Variants in GALNT13 observed in about 807,000 individuals in gnomAD.
GALNT13 encodes the protein polypeptide N-acetylgalactosaminyltransferase 13.
A neutral mutation model predicts 64.2 loss-of-function variants in GALNT13; 28 were observed. The ratio of observed to expected loss-of-function variants is 0.44; its 90% CI spans 0.32 to 0.60. The LOEUF is 0.60. GALNT13 is among the 20% of genes least tolerant of loss of function. The pLI is 0.05. For missense variants in GALNT13, 577 were observed against 669.8 expected (o/e 0.86, Z 1.53); for synonymous variants, 214 against 224.6 (o/e 0.95, Z 0.42).
At chr2:153,440,980 T>C in the GALNT13 span, among the ~76,000 whole-genome samples, 1 of 152,326 alleles carries the variant, frequency 6.6e-6, no homozygotes, top group Admixed American at 6.5e-5. Flanking sequence ...TATTGGCTTT[T>C]GTTGCCATTG....
At chr2:153,356,253 A>C in the GALNT13 span, among the ~76,000 whole-genome samples, 6 of 152,190 alleles carry the variant, frequency 3.9e-5, no homozygotes, top group East Asian at 1.2e-3. Context: ...GATAATAAAA[A>C]ATTTCCATTG....
chr2:154,040,412 T>C (rs1403654719), intron 3 of GALNT13, among the ~76,000 whole-genome samples: 1 of 140,890 alleles, frequency 7.1e-6, no homozygotes, highest in Non-Finnish European at 1.6e-5. Context: ...CATTGGGACG[T>C]AGTATAAATT....
chr2:153,679,062 T>G, the GALNT13 span, among the ~76,000 whole-genome samples: 1 of 152,038 alleles, frequency 6.6e-6, no homozygotes, highest in African/African-American at 2.4e-5. Context: ...ATGATTGAGG[T>G]TGTGAGAGAC....
chr2:154,418,159 A>G (rs1700103748), intron 11 of GALNT13, among the ~76,000 whole-genome samples: 1 of 152,194 alleles, frequency 6.6e-6, no homozygotes, highest in African/African-American at 2.4e-5. Context: ...AAAAATGTTT[A>G]AAGTTACACA....
chr2:154,244,516 A>G (rs1689671935), intron 6 of GALNT13, among the ~76,000 whole-genome samples: 1 of 152,160 alleles, frequency 6.6e-6, no homozygotes, highest in African/African-American at 2.4e-5. Context: ...AGTATGAATA[A>G]TGGACATTTA....
chr2:153,487,838 C>A, the GALNT13 span, among the ~76,000 whole-genome samples: 1 of 152,084 alleles, frequency 6.6e-6, no homozygotes, highest in African/African-American at 2.4e-5. Flanking sequence ...TTGAAGGGTC[C>A]AAATCATGAG....
chr2:154,243,384 C>T (rs928808262), intron 6 of GALNT13, among the ~76,000 whole-genome samples: 6 of 152,006 alleles, frequency 3.9e-5, no homozygotes, highest in Non-Finnish European at 5.9e-5. Flanking sequence ...GTAAACTACA[C>T]GAGCACCCTT....
chr2:153,451,093 T>C, the GALNT13 span, among the ~76,000 whole-genome samples: 1 of 152,130 alleles, frequency 6.6e-6, no homozygotes, highest in African/African-American at 2.4e-5. Context: ...ATTTTCAGCC[T>C]CCATCAAAAA....
the GALNT13 span, among the ~76,000 whole-genome samples, chr2:153,712,067 T>C: frequency 6.6e-6 from 1 of 152,160 alleles, no homozygotes; most frequent in African/African-American, 2.4e-5. Context: ...TTTATGAAAA[T>C]AGACAATTAT....
chr2:154,122,233 G>C (rs368093347), intron 3 of GALNT13, among the ~76,000 whole-genome samples: 33 of 151,830 alleles, frequency 2.2e-4, no homozygotes, highest in African/African-American at 8.0e-4. Context: ...GTGATGGATA[G>C]ATTGAAATAA....
At chr2:153,383,509 G>A in the GALNT13 span, among the ~76,000 whole-genome samples, 35 of 152,102 alleles carry the variant, frequency 2.3e-4, no homozygotes, top group African/African-American at 7.5e-4. Context: ...AGTTAAGTTC[G>A]TACCTGAAAG....
At chr2:153,219,563 C>T in the GALNT13 span, among the ~76,000 whole-genome samples, 1 of 152,192 alleles carries the variant, frequency 6.6e-6, no homozygotes, top group African/African-American at 2.4e-5. Context: ...ACCAATTTTC[C>T]AATTTTATAC....
At chr2:153,258,012 T>TTA in the GALNT13 span, among the ~76,000 whole-genome samples, 1 of 152,050 alleles carries the variant, frequency 6.6e-6, no homozygotes, top group Non-Finnish European at 1.5e-5. Context: ...GAGCCCCAAA[T>TTA]TATCTTGGGA....
the GALNT13 span, among the ~76,000 whole-genome samples, chr2:153,756,551 C>T: frequency 2.6e-5 from 4 of 152,080 alleles, no homozygotes; most frequent in African/African-American, 9.7e-5. Flanking sequence ...TTTTAAATCA[C>T]ATGTTAAGAT....
chr2:153,177,759 T>C, the GALNT13 span, among the ~76,000 whole-genome samples: 1 of 152,172 alleles, frequency 6.6e-6, no homozygotes. Context: ...TTTTAAAGTG[T>C]GTACTACATT....
chr2:153,662,158 A>G, the GALNT13 span, among the ~76,000 whole-genome samples: 52 of 152,236 alleles, frequency 3.4e-4, no homozygotes, highest in Non-Finnish European at 5.9e-4. Flanking sequence ...CCAGGGTTGT[A>G]ATCTTTTCTT....
chr2:153,162,557 GA>G, the GALNT13 span, among the ~76,000 whole-genome samples: 1 of 152,126 alleles, frequency 6.6e-6, no homozygotes, highest in East Asian at 1.9e-4. Flanking sequence ...GCCCCCCTGG[GA>G]AGAGTCACAC....
At chr2:154,079,834 C>T (rs6435038) in intron 3 of GALNT13, among the ~76,000 whole-genome samples, 66,716 of 151,478 alleles carry the variant, frequency 0.44, 16,611 homozygotes, top group Non-Finnish European at 0.57. Context: ...TAATCATCAT[C>T]GAACATAGAA....
At chr2:153,787,190 C>T in the GALNT13 span, among the ~76,000 whole-genome samples, 1 of 152,188 alleles carries the variant, frequency 6.6e-6, no homozygotes, top group East Asian at 1.9e-4. Flanking sequence ...GGGAGGAGAG[C>T]CCACACTGTC....
Sources: gnomAD v4.1 joint callset for allele counts (sites outside exome capture counted in the v4.1 genomes callset) on GRCh38, gnomAD v4.1.1 for gene constraint, MANE v1.5 for transcripts, NCBI Gene and HGNC (gene_info 2026-07-23, HGNC 2026-07-21) for gene names.